The following HECTD4 variants were observed in gnomAD, a reference collection of about 807,000 sequenced individuals.
The protein encoded by HECTD4 is HECT domain E3 ubiquitin protein ligase 4.
HECTD4 carries 114 observed loss-of-function variants against 471.5 expected under a neutral mutation model. The observed-to-expected ratio is 0.24, with a 90% confidence interval of 0.21 to 0.28. The LOEUF (loss-of-function observed/expected upper bound fraction) is 0.28. Among genes scored for constraint, HECTD4 ranks in the 10% least tolerant of loss-of-function variants. The pLI, the probability that HECTD4 is intolerant of heterozygous loss-of-function variation, is 1.00. For missense variants in HECTD4, 3,866 were observed against 5,651.5 expected (o/e 0.68, Z 10.13); for synonymous variants, 2,012 against 2,256.0 (o/e 0.89, Z 3.07).
intron 24 of HECTD4, 56 bp downstream of exon 24, chr12:112,250,915 A>T: frequency 6.7e-7 from 1 of 1,503,520 alleles, no homozygotes; most frequent in Non-Finnish European, 8.9e-7. Context: ...ATTTTTCCAC[A>T]TAAAGTCCTT....
intron 65 of HECTD4, 68 bp downstream of exon 65, chr12:112,176,528 C>T (rs1364413465): frequency 3.2e-5 from 36 of 1,112,694 alleles, no homozygotes; most frequent in East Asian, 2.1e-4. Context: ...GCCTGCTCCT[C>T]GGGGGGTGCC....
chr12:112,258,329 A>G (rs1349843620), intron 20 of HECTD4, 167 bp downstream of exon 20: 3 of 443,990 alleles, frequency 6.8e-6, no homozygotes, highest in Non-Finnish European at 1.2e-5. Flanking sequence ...ACCAGTTGCT[A>G]TAAATCTACA....
Position 112,213,564 on chromosome 12 carries a change from T to C in HECTD4, c.7466-914A>G, listed in dbSNP as rs944573017. The stretch of plus-strand genomic sequence containing the variant: ...CGCCGGGCTAGGTGGCAGGCACCTG[T>C]AGTCCCAGCTACTTGGGAGGCTGAG... On this transcript the variant is annotated intron_variant, in intron 48 of 75. Coordinates refer to ENST00000682272, the MANE Select transcript of HECTD4 (RefSeq NM_001388303.1). The surrounding 1 kb of genome is among the most constrained non-coding windows in gnomAD (Gnocchi z 4.0). Among the ~76,000 whole-genome samples the C allele has an allele frequency of 3.3e-5, 5 of 151,720 alleles. No individual in the cohort carries two copies. The highest frequency in any genetic ancestry group is 1.3e-4 in the Admixed American group (2 of 15,196).
chr12:112,195,860 G>C (rs1461190180), intron 55 of HECTD4, among the ~76,000 whole-genome samples: 1 of 152,188 alleles, frequency 6.6e-6, no homozygotes, highest in Non-Finnish European at 1.5e-5. Flanking sequence ...TAGCTCATTA[G>C]TGCCTAAGCA....
At chr12:112,311,567 T>A (rs1298568398) in intron 4 of HECTD4, among the ~76,000 whole-genome samples, 1 of 149,230 alleles carries the variant, frequency 6.7e-6, no homozygotes, top group Non-Finnish European at 1.5e-5. Context: ...GAGGCTGCAG[T>A]TGTGATTGCA....
chr12:112,228,906 T>C lies in HECTD4; in HGVS notation c.6520-95A>G. Reference sequence around the variant, plus strand: ...GGAAAAAGTAAATTTATAGTTGTCATTGTTGGCGTTACAGTAATAGTTTAT... The same window carrying C: ...GGAAAAAGTAAATTTATAGTTGTCACTGTTGGCGTTACAGTAATAGTTTAT... On this transcript the variant is annotated intron_variant, in intron 41 of 75. Transcript: ENST00000682272. The surrounding 1 kb of genome is among the most constrained non-coding windows in gnomAD (Gnocchi z 4.9). 8.3e-7 allele frequency: 1 copy of C among 1,206,972 alleles called. No individual in the cohort carries two copies. The highest frequency in any genetic ancestry group is 1.2e-6 in the Non-Finnish European group (1 of 834,420). The allele number at this position is 1,206,972 out of a possible 1,614,324, so 74.8% of individuals were successfully genotyped here. A position where few individuals can be genotyped will look rare whatever the true frequency, so the allele number is the denominator to read the frequency against.
intron 19 of HECTD4, 121 bp downstream of exon 19, chr12:112,258,991 T>C: frequency 1.2e-6 from 1 of 853,116 alleles, no homozygotes; most frequent in South Asian, 1.9e-5. Context: ...ATTCCATCAT[T>C]ATTTCCCTTG....
Position 112,244,018 on chromosome 12 carries a change from A to C in HECTD4, c.4514-9T>G. 6.2e-7 allele frequency: 1 copy of C among 1,613,046 alleles called. No homozygotes were observed. The highest frequency in any genetic ancestry group is 8.5e-7 in the Non-Finnish European group (1 of 1,179,596). ...AGAAGCTGATTTACAAGCTAGAAAAAAAAGGAATAAAAAGGCTGACATTTC... is the reference window on the plus strand; with the variant it reads ...AGAAGCTGATTTACAAGCTAGAAAACAAAGGAATAAAAAGGCTGACATTTC... On this transcript the variant is annotated splice_polypyrimidine_tract_variant and intron_variant, in intron 29 of 75. Coordinates refer to ENST00000682272, the MANE Select transcript of HECTD4 (RefSeq NM_001388303.1).
intron 61 of HECTD4, among the ~76,000 whole-genome samples, chr12:112,183,750 C>T (rs925730797): frequency 6.6e-6 from 1 of 152,192 alleles, no homozygotes; most frequent in African/African-American, 2.4e-5. Context: ...TACATGGGAT[C>T]CTGAAGTGGA....
intron 1 of HECTD4, among the ~76,000 whole-genome samples, chr12:112,371,163 C>G (rs1197073833): frequency 6.6e-6 from 1 of 152,160 alleles, no homozygotes; most frequent in Admixed American, 6.5e-5. Flanking sequence ...GCCAAGAAGA[C>G]AGATAATAAT....
intron 2 of HECTD4, 80 bp from the exon 3 acceptor site, chr12:112,314,626 C>T: frequency 1.2e-6 from 1 of 822,654 alleles, no homozygotes; most frequent in Non-Finnish European, 2.0e-6. Flanking sequence ...ATTTAATTAA[C>T]CACATGGAAA....
chr12:112,164,322 T>TGGAA, intron 72 of HECTD4, 47 bp from the exon 73 acceptor site: 1 of 1,568,086 alleles, frequency 6.4e-7, no homozygotes, highest in Non-Finnish European at 8.7e-7. Flanking sequence ...CCATGGGAGG[T>TGGAA]GGAACCCTGA....
rs1271002477 is a variant in HECTD4 at position 112,205,156 on chromosome 12, C to G, written c.8132-533G>C. Among the ~76,000 whole-genome samples, 7 of 146,890 alleles carry G rather than the reference C, an allele frequency of 4.8e-5. No homozygotes were observed. In the East Asian group the frequency reaches 1.5e-3, roughly 31 times the overall value. On this transcript the variant is annotated intron_variant, in intron 52 of 75. Transcript: ENST00000682272. ...TCAAAAAAAAAAAAAAAAAAAATGG[C>G]CAGGCGTAGTGGCTCACGCCTATAA... is the stretch of plus-strand genomic sequence containing the variant.
intron 1 of HECTD4, among the ~76,000 whole-genome samples, chr12:112,328,739 G>A (rs752714967): frequency 6.6e-6 from 1 of 152,168 alleles, no homozygotes; most frequent in Non-Finnish European, 1.5e-5. Flanking sequence ...GGAAATATGT[G>A]TTTATTCAAA....
intron 23 of HECTD4, among the ~76,000 whole-genome samples, chr12:112,251,437 T>C (rs1033697618): frequency 1.3e-5 from 2 of 152,248 alleles, no homozygotes; most frequent in African/African-American, 2.4e-5. Context: ...TAGCTTCCTC[T>C]CTGTTGTGCC....
chr12:112,183,353 G>A, intron 61 of HECTD4, 87 bp from the exon 62 acceptor site: 1 of 1,048,860 alleles, frequency 9.5e-7, no homozygotes, highest in East Asian at 2.4e-5. Flanking sequence ...CCTTTTCCTG[G>A]AAACCCTCTA....
chr12:112,372,121 T>TA (rs1594083684), intron 1 of HECTD4, among the ~76,000 whole-genome samples: 1 of 150,512 alleles, frequency 6.6e-6, no homozygotes, highest in South Asian at 2.1e-4. Context: ...TTTTTTTTTT[T>TA]AATATTTTGG....
At chr12:112,350,638 C>T (rs1483248556) in intron 1 of HECTD4, among the ~76,000 whole-genome samples, 3 of 152,188 alleles carry the variant, frequency 2.0e-5, no homozygotes, top group Non-Finnish European at 4.4e-5. Context: ...TTTTTCTAAT[C>T]TTCAAAGAAT....
chr12:112,326,911 T>C (rs1443840973), intron 1 of HECTD4, among the ~76,000 whole-genome samples: 2 of 152,160 alleles, frequency 1.3e-5, no homozygotes, highest in African/African-American at 4.8e-5. Flanking sequence ...CTGAAAGAAA[T>C]AGAAATTATA....
Sources: gnomAD v4.1 joint callset for allele counts (sites outside exome capture counted in the v4.1 genomes callset) on GRCh38, gnomAD v4.1.1 for gene constraint, Gnocchi (gnomAD v3.1) non-coding constraint, MANE v1.5 for transcripts, NCBI Gene and HGNC (gene_info 2026-07-23, HGNC 2026-07-21) for gene names.